The following ERLIN2 variants were observed in gnomAD, a reference collection of about 807,000 sequenced individuals.
ERLIN2 encodes the protein erlin-2.
In ERLIN2, 22 loss-of-function variants were observed where a neutral mutation model predicts 41.5. That is an observed-to-expected ratio of 0.53 (90% CI 0.38 to 0.76). The LOEUF is 0.76. ERLIN2 is among the 30% of genes least tolerant of loss of function. ERLIN2 has a pLI of 0.00. For synonymous variants in ERLIN2, 149 were observed against 150.9 expected, an observed-to-expected ratio of 0.99 and a Z score of 0.09; for missense variants, 247 against 414.3, an observed-to-expected ratio of 0.60 and a Z score of 3.51.
At chr8:37,753,852 C>T in intron 11 of ERLIN2, 63 bp from the exon 12 acceptor site, 1 of 1,404,270 alleles carries the variant, frequency 7.1e-7, no homozygotes, top group South Asian at 1.2e-5. Context: ...GAAGGGGCAC[C>T]ACTCCCCTCC....
At position 37,749,919 on chromosome 8, in the gene ERLIN2, G is replaced by A. The variant is rs1204676603; in HGVS notation, c.557+67G>A. The A allele has an allele frequency of 2.2e-6, 3 of 1,386,004 alleles. No individual in the cohort carries two copies. The African/African-American group carries it at 4.3e-5, about 20-fold the overall frequency. 85.9% of individuals were successfully genotyped at this position (1,386,004 alleles called of 1,614,324 possible). A position where few individuals can be genotyped will look rare whatever the true frequency, so the allele number is the denominator to read the frequency against. ...CCACCTCCCACCTCGTCCCATCCCA[G>A]AGGTAACCAAAGCTGCCAGGCTTCT... On this transcript the variant is annotated intron_variant, in intron 8 of 11. Transcript: ENST00000519638.
intron 2 of ERLIN2, among the ~76,000 whole-genome samples, chr8:37,739,521 G>C (rs1318620119): frequency 6.6e-6 from 1 of 151,984 alleles, no homozygotes; most frequent in Non-Finnish European, 1.5e-5. Context: ...TGTTGCCCAG[G>C]CTGGAGTGCA....
rs1033308571 is a variant in ERLIN2, at chr8:37,753,466, C to A, written c.756C>A (p.Ala252=). The A allele has an allele frequency of 2.5e-6, 4 of 1,613,954 alleles. No individual in the cohort carries two copies. Among genetic ancestry groups the A allele is most frequent in the Admixed American group, 1.7e-5 (1 of 59,998 alleles). ...ISEIEDAAFL[A]REKAKADAEC... ...CCCCCTCAGATGCTGCATTTCTGGC[C>A]CGGGAGAAGGCAAAGGCAGATGCTG... Residue 252 remains alanine (A), a synonymous_variant, in exon 11 of 12, where the codon GCC becomes GCA. Coordinates refer to ENST00000519638, the MANE Select transcript of ERLIN2 (RefSeq NM_007175.8).
At chr8:37,737,737 G>A (rs895856464) in intron 1 of ERLIN2, 171 bp from the exon 2 acceptor site, 54 of 696,180 alleles carry the variant, frequency 7.8e-5, no homozygotes, top group Non-Finnish European at 1.1e-4. Context: ...AAAGGGGAAC[G>A]TTGACTGAGA....
chr8:37,741,936 C>T lies in ERLIN2; in HGVS notation c.236+118C>T, dbSNP rs1438712661. 6 of 764,604 alleles carry T rather than the reference C, an allele frequency of 7.8e-6. No individual in the cohort carries two copies. The highest frequency in any genetic ancestry group is 2.6e-5 in the East Asian group (1 of 38,640). 47.4% of individuals were successfully genotyped at this position (764,604 alleles called of 1,614,324 possible). A position where few individuals can be genotyped will look rare whatever the true frequency, so the allele number is the denominator to read the frequency against. On this transcript the variant is annotated intron_variant, in intron 4 of 11. Coordinates refer to ENST00000519638, the MANE Select transcript of ERLIN2 (RefSeq NM_007175.8). This position sits in a 1 kb window ranked among gnomAD's most constrained non-coding sequence, Gnocchi z 4.8. ...CCCTTTCTTGGTTAATTCCCTGTCT[C>T]GTAGCTCCCTATATTGATTTGACCA...
intron 6 of ERLIN2, chr8:37,748,049 C>A (rs1297480403): frequency 6.5e-7 from 1 of 1,538,548 alleles, no homozygotes; most frequent in East Asian, 2.2e-5. Context: ...AGAAGAGGGT[C>A]GCGCCGAAAT....
chr8:37,747,305 C>T, intron 6 of ERLIN2: 2 of 918,512 alleles, frequency 2.2e-6, no homozygotes, highest in Non-Finnish European at 3.7e-6. Context: ...AAATGCTTGC[C>T]TCCAGTCTAG....
At chr8:37,750,542 GA>G in intron 9 of ERLIN2, 56 bp downstream of exon 9, 1 of 1,455,414 alleles carries the variant, frequency 6.9e-7, no homozygotes, top group East Asian at 2.3e-5. Flanking sequence ...GGGGTGGTGG[GA>G]AGATGCAAGG....
intron 6 of ERLIN2, chr8:37,745,952 A>C (rs1803033619): frequency 9.3e-7 from 1 of 1,071,672 alleles, no homozygotes; most frequent in Non-Finnish European, 1.1e-6. Context: ...GAAAAAAGAC[A>C]AAGGATCCCT....
chr8:37,754,329 C>T lies in ERLIN2; in HGVS notation c.*214C>T, dbSNP rs772002318. 18 of 571,476 alleles carry T rather than the reference C, an allele frequency of 3.1e-5. No individual in the cohort carries two copies. Among genetic ancestry groups the T allele is most frequent in the Non-Finnish European group, 5.0e-5 (16 of 320,024 alleles). 35.4% of individuals were successfully genotyped at this position (571,476 alleles called of 1,614,324 possible). On this transcript the variant is annotated 3_prime_UTR_variant, in exon 12 of 12. Coordinates refer to ENST00000519638, the MANE Select transcript of ERLIN2 (RefSeq NM_007175.8). ...TATTTCAGGTAAGCAGTTTATATGACTTCCAATAAGATTTGTAAATCATGG... is the reference window on the plus strand; with the variant it reads ...TATTTCAGGTAAGCAGTTTATATGATTTCCAATAAGATTTGTAAATCATGG...
chr8:37,745,413 C>A, intron 6 of ERLIN2: 1 of 722,656 alleles, frequency 1.4e-6, no homozygotes. Context: ...GTAAAGGCAA[C>A]CTGACTTAGC....
rs893492280 is a variant in ERLIN2, at chr8:37,737,842, T to C, written c.-15-66T>C. ...CAGGGAGCTCAGCTTGGTGAGGTCC[T>C]CTCGCTGTTGTGGCCTTTTCTCCTG... On this transcript the variant is annotated intron_variant, in intron 1 of 11. Coordinates refer to ENST00000519638, the MANE Select transcript of ERLIN2 (RefSeq NM_007175.8). 81 of 1,605,178 alleles carry C rather than the reference T, an allele frequency of 5.0e-5. No homozygotes were observed. The Middle Eastern group carries it at 1.3e-3, about 25-fold the overall frequency.
chr8:37,749,148 CACCTTCCTTCTTCTTGGAAACTGTGA>C (rs747976538), intron 6 of ERLIN2, among the ~76,000 whole-genome samples: 12 of 152,178 alleles, frequency 7.9e-5, no homozygotes, highest in South Asian at 2.1e-4. Flanking sequence ...ATAGCCATTC[CACCTTCCTTCTTCTTGGAAACTGTGA>C]ACCTTCCTTC....
At chr8:37,745,522 A>G in intron 6 of ERLIN2, 1 of 1,600,224 alleles carries the variant, frequency 6.2e-7, no homozygotes, top group Non-Finnish European at 8.6e-7. Context: ...GCCAATGCCA[A>G]AAGTAAATGA....
intron 2 of ERLIN2, among the ~76,000 whole-genome samples, chr8:37,740,137 T>C (rs550878411): frequency 2.6e-5 from 4 of 152,302 alleles, no homozygotes; most frequent in Admixed American, 6.5e-5. Flanking sequence ...TGTGCCTATT[T>C]TTCTCCTTGC....
rs1452643562 is a variant in ERLIN2 at position 37,757,124 on chromosome 8, C to T, written c.*3009C>T. The T allele has an allele frequency of 1.3e-5, 2 of 152,218 alleles. No homozygotes were observed. The highest frequency in any genetic ancestry group is 2.9e-5 in the Non-Finnish European group (2 of 68,030). The allele number at this position is 152,218 out of a possible 1,614,324, so 9.4% of individuals were successfully genotyped here. A position where few individuals can be genotyped will look rare whatever the true frequency, so the allele number is the denominator to read the frequency against. ...GAGCTGTTTTATAAATGATCATTCACTGTTCCTATGGTTCTATGTATCTTT... is the reference window on the plus strand; with the variant it reads ...GAGCTGTTTTATAAATGATCATTCATTGTTCCTATGGTTCTATGTATCTTT... On this transcript the variant is annotated 3_prime_UTR_variant, in exon 12 of 12. Coordinates refer to ENST00000519638, the MANE Select transcript of ERLIN2 (RefSeq NM_007175.8).
Position 37,757,089 on chromosome 8 carries a change from T to G in ERLIN2, c.*2974T>G, listed in dbSNP as rs1179456665. The G allele has an allele frequency of 1.3e-5, 2 of 152,230 alleles. No individual in the cohort carries two copies. Among genetic ancestry groups the G allele is most frequent in the Non-Finnish European group, 2.9e-5 (2 of 68,022 alleles). The allele number at this position is 152,230 out of a possible 1,614,324, so 9.4% of individuals were successfully genotyped here. The stretch of plus-strand genomic sequence containing the variant: ...GAAAGAATTTTAGCAATATATTGAT[T>G]CAGGAAAAGGAGCTGTTTTATAAAT... On this transcript the variant is annotated 3_prime_UTR_variant, in exon 12 of 12. Coordinates refer to ENST00000519638, the MANE Select transcript of ERLIN2 (RefSeq NM_007175.8).
chr8:37,740,273 AG>A (rs1168409434), intron 2 of ERLIN2, 91 bp from the exon 3 acceptor site: 3 of 840,534 alleles, frequency 3.6e-6, no homozygotes, highest in East Asian at 5.2e-5. Flanking sequence ...ATATGTTTAT[AG>A]GGCTGAAGGG....
rs1288643405 is a variant in ERLIN2 at position 37,757,729 on chromosome 8, A to G, written c.*3614A>G. The G allele has an allele frequency of 6.6e-6, 1 of 152,252 alleles. No individual in the cohort carries two copies. The highest frequency in any genetic ancestry group is 2.4e-5 in the African/African-American group (1 of 41,468). The allele number at this position is 152,252 out of a possible 1,614,324, so 9.4% of individuals were successfully genotyped here. A position where few individuals can be genotyped will look rare whatever the true frequency, so the allele number is the denominator to read the frequency against. On this transcript the variant is annotated 3_prime_UTR_variant, in exon 12 of 12. Coordinates refer to ENST00000519638, the MANE Select transcript of ERLIN2 (RefSeq NM_007175.8). ...TAATATTAGGTGACATAAATAAAACATCCCAGACTAGTGAGTTAAGTACAA... is the reference window on the plus strand; with the variant it reads ...TAATATTAGGTGACATAAATAAAACGTCCCAGACTAGTGAGTTAAGTACAA...
Sources: gnomAD v4.1 joint callset for allele counts (sites outside exome capture counted in the v4.1 genomes callset) on GRCh38, gnomAD v4.1.1 for gene constraint, Gnocchi (gnomAD v3.1) non-coding constraint, MANE v1.5 for transcripts, NCBI Gene and HGNC (gene_info 2026-07-23, HGNC 2026-07-21) for gene names.